The following DSCAML1 variants were observed in gnomAD, a reference collection of about 807,000 sequenced individuals.
DSCAML1 encodes cell adhesion molecule DSCAML1.
A neutral mutation model predicts 200.5 loss-of-function variants in DSCAML1; 38 were observed. That is an observed-to-expected ratio of 0.19 (90% CI 0.15 to 0.25). The LOEUF (loss-of-function observed/expected upper bound fraction) is 0.25. Among genes scored for constraint, DSCAML1 ranks in the 10% least tolerant of loss-of-function variants. DSCAML1 has a pLI of 1.00. For missense variants in DSCAML1, 2,223 were observed against 2,858.8 expected (o/e 0.78, Z 5.07); for synonymous variants, 1,215 against 1,165.0 (o/e 1.04, Z -0.87).
intron 3 of DSCAML1, among the ~76,000 whole-genome samples, chr11:117,711,297 T>C (rs1425923528): frequency 6.6e-6 from 1 of 152,164 alleles, no homozygotes; most frequent in African/African-American, 2.4e-5. Context: ...ACCACCACTC[T>C]CAAACTCTCA....
At chr11:117,534,499 C>T (rs2050132587) in intron 3 of DSCAML1, among the ~76,000 whole-genome samples, 1 of 152,218 alleles carries the variant, frequency 6.6e-6, no homozygotes, top group Non-Finnish European at 1.5e-5. Context: ...CTCACTGGTG[C>T]CCCGCTGAAC....
intron 3 of DSCAML1, among the ~76,000 whole-genome samples, chr11:117,776,036 G>C (rs906948620): frequency 6.6e-6 from 1 of 152,148 alleles, no homozygotes. Context: ...TGAAGAAATG[G>C]GTGGTGGAAA....
intron 3 of DSCAML1, among the ~76,000 whole-genome samples, chr11:117,548,800 C>A (rs1445320485): frequency 2.0e-5 from 3 of 152,184 alleles, no homozygotes; most frequent in African/African-American, 7.2e-5. Context: ...AGAGAAGAAA[C>A]CCCGCAGTCT....
chr11:117,431,122 G>A (rs571490627), intron 31 of DSCAML1, 89 bp from the exon 32 acceptor site: 16 of 1,340,706 alleles, frequency 1.2e-5, no homozygotes, highest in Admixed American at 1.0e-4. Context: ...AACCCCAGCA[G>A]CCATCTGTAA....
At chr11:117,557,475 C>G in intron 3 of DSCAML1, among the ~76,000 whole-genome samples, 1 of 152,260 alleles carries the variant, frequency 6.6e-6, no homozygotes, top group South Asian at 2.1e-4. Context: ...GAAAGCGAGC[C>G]GCAGCTTCCC....
At position 117,752,006 on chromosome 11, in the gene DSCAML1, T is replaced by A. The variant is rs557844491; in HGVS notation, c.511+24785A>T. 2.3e-4 allele frequency among the ~76,000 whole-genome samples: 35 copies of A among 152,130 alleles called. No homozygotes were observed. In the South Asian group the frequency reaches 7.3e-3, roughly 32 times the overall value. On this transcript the variant is annotated intron_variant, in intron 3 of 32. Transcript: ENST00000651296. Reference sequence around the variant, plus strand: ...TAAAGGGAATTATTGACCTAATTGTTATTTAACACCACCAATTCACAAACC... The same window carrying A: ...TAAAGGGAATTATTGACCTAATTGTAATTTAACACCACCAATTCACAAACC...
intron 3 of DSCAML1, among the ~76,000 whole-genome samples, chr11:117,558,072 C>T (rs781688439): frequency 6.6e-6 from 1 of 152,016 alleles, no homozygotes; most frequent in Non-Finnish European, 1.5e-5. Context: ...GTGGCAGGAT[C>T]AGAGGAGAGG....
chr11:117,617,294 C>T (rs1049519147), intron 3 of DSCAML1, among the ~76,000 whole-genome samples: 1 of 152,186 alleles, frequency 6.6e-6, no homozygotes, highest in African/African-American at 2.4e-5. Flanking sequence ...GAAGCTGGGC[C>T]GGGCTGGGAA....
At chr11:117,508,017 C>G (rs921723222) in intron 8 of DSCAML1, among the ~76,000 whole-genome samples, 2 of 152,152 alleles carry the variant, frequency 1.3e-5, no homozygotes, top group Non-Finnish European at 2.9e-5. Context: ...CTGCTGACCC[C>G]CCTCCTAGTT....
At chr11:117,687,381 C>T (rs2053418197) in intron 3 of DSCAML1, among the ~76,000 whole-genome samples, 1 of 150,998 alleles carries the variant, frequency 6.6e-6, no homozygotes, top group Non-Finnish European at 1.5e-5. Flanking sequence ...CTACCTCAGC[C>T]TCGCAAGTAA....
chr11:117,504,879 C>CCGTCCCT lies in DSCAML1; in HGVS notation c.2182+38_2182+44dup. ...AATCCCACAGAGCATCCTCCGTTCC[C>CCGTCCCT]CGTCCCTGCCCTTCTTGGAGATTCT... On this transcript the variant is annotated intron_variant, in intron 10 of 32. Coordinates refer to ENST00000651296, the MANE Select transcript of DSCAML1 (RefSeq NM_020693.4). This position sits in a 1 kb window ranked among gnomAD's most constrained non-coding sequence, Gnocchi z 5.0. 2 of 1,569,060 alleles carry CCGTCCCT rather than the reference C, an allele frequency of 1.3e-6. No homozygotes were observed. The highest frequency in any genetic ancestry group is 3.4e-4 in the Middle Eastern group (2 of 5,844).
chr11:117,702,074 TG>T (rs2053679662), intron 3 of DSCAML1, among the ~76,000 whole-genome samples: 1 of 152,190 alleles, frequency 6.6e-6, no homozygotes, highest in African/African-American at 2.4e-5. Flanking sequence ...AGTCAGGCCC[TG>T]GCCACTTCCT....
intron 2 of DSCAML1, among the ~76,000 whole-genome samples, chr11:117,777,663 C>T (rs537407357): frequency 1.3e-5 from 2 of 152,294 alleles, no homozygotes; most frequent in South Asian, 4.1e-4. Context: ...CTGGCTGCAG[C>T]CTCTACAGCA....
intron 3 of DSCAML1, among the ~76,000 whole-genome samples, chr11:117,562,593 G>T (rs942580260): frequency 6.6e-6 from 1 of 152,236 alleles, no homozygotes; most frequent in Non-Finnish European, 1.5e-5. Context: ...ACCAGAAACT[G>T]GTGGGATCTA....
chr11:117,679,081 C>G (rs61903821), intron 3 of DSCAML1, among the ~76,000 whole-genome samples: 2,506 of 152,344 alleles, frequency 0.016, 22 homozygotes, highest in Middle Eastern at 0.044. Context: ...CACTTCAGGT[C>G]GGCCTGGGCC....
At chr11:117,643,872 G>A (rs1343150395) in intron 3 of DSCAML1, among the ~76,000 whole-genome samples, 1 of 152,204 alleles carries the variant, frequency 6.6e-6, no homozygotes. Flanking sequence ...ATTCCACAGG[G>A]GAAGAAGGAG....
intron 3 of DSCAML1, among the ~76,000 whole-genome samples, chr11:117,718,331 G>A (rs1413504576): frequency 6.6e-6 from 1 of 152,226 alleles, no homozygotes; most frequent in Non-Finnish European, 1.5e-5. Context: ...ACTCCAGGCA[G>A]CTCCCAGGAC....
At chr11:117,706,839 A>G (rs1383916578) in intron 3 of DSCAML1, among the ~76,000 whole-genome samples, 1 of 152,188 alleles carries the variant, frequency 6.6e-6, no homozygotes, top group African/African-American at 2.4e-5. Context: ...TAAATCATAT[A>G]TAATCTTAAG....
intron 3 of DSCAML1, among the ~76,000 whole-genome samples, chr11:117,754,489 AG>A (rs923093605): frequency 6.6e-6 from 1 of 152,026 alleles, no homozygotes; most frequent in Non-Finnish European, 1.5e-5. Context: ...GGGGAAGCAC[AG>A]GGGTGATGGG....
Sources: gnomAD v4.1 joint callset for allele counts (sites outside exome capture counted in the v4.1 genomes callset) on GRCh38, gnomAD v4.1.1 for gene constraint, Gnocchi (gnomAD v3.1) non-coding constraint, MANE v1.5 for transcripts, NCBI Gene and HGNC (gene_info 2026-07-23, HGNC 2026-07-21) for gene names.